The following RFPL1 variants were observed in gnomAD, a reference collection of about 807,000 sequenced individuals.
The protein encoded by RFPL1 is ret finger protein-like 1.
RFPL1 carries 6 observed loss-of-function variants against 9.6 expected under a neutral mutation model. The ratio of observed to expected loss-of-function variants is 0.62; its 90% CI spans 0.34 to 1.23. The LOEUF is 1.23. RFPL1 is among the 50% of genes most tolerant of loss of function. The probability of loss-of-function intolerance (pLI) is 0.03; values close to 1 mark genes in which losing one functional copy is unlikely to be tolerated. For synonymous variants in RFPL1, 145 were observed against 149.4 expected, an observed-to-expected ratio of 0.97 and a Z score of 0.22; for missense variants, 352 against 398.4, an observed-to-expected ratio of 0.88 and a Z score of 0.99.
At chr22:29,434,508 T>C (rs1356480259), upstream of RFPL1, 3 of 157,938 alleles carry the variant, frequency 1.9e-5, no homozygotes, top group South Asian at 2.0e-4. Context: ...GGAGTGTCCA[T>C]TGTGGATTTC....
At chr22:29,418,250 G>A in the RFPL1 span, among the ~76,000 whole-genome samples, 15 of 151,958 alleles carry the variant, frequency 9.9e-5, no homozygotes, top group Non-Finnish European at 1.8e-4. Context: ...TCAAAGATGG[G>A]AAGACAAGCT....
chr22:29,393,706 G>A, the RFPL1 span, among the ~76,000 whole-genome samples: 1 of 152,184 alleles, frequency 6.6e-6, no homozygotes, highest in African/African-American at 2.4e-5. Context: ...GAGAGAGAGG[G>A]CGCTGGCTTC....
chr22:29,393,943 C>T, the RFPL1 span, among the ~76,000 whole-genome samples: 1 of 152,258 alleles, frequency 6.6e-6, no homozygotes, highest in South Asian at 2.1e-4. Flanking sequence ...TCCCAAAGTG[C>T]TGGGATTACA....
the RFPL1 span, among the ~76,000 whole-genome samples, chr22:29,410,383 GAT>G: frequency 3.8e-3 from 271 of 72,112 alleles, 14 homozygotes; most frequent in African/African-American, 7.0e-3. Flanking sequence ...TATATATATA[GAT>G]ATATATATTG....
the RFPL1 span, among the ~76,000 whole-genome samples, chr22:29,426,343 A>G: frequency 6.6e-6 from 1 of 151,522 alleles, no homozygotes; most frequent in African/African-American, 2.4e-5. Context: ...ATTATTGATA[A>G]TCTTTATTTA....
chr22:29,388,006 C>T, the RFPL1 span, among the ~76,000 whole-genome samples: 2 of 152,154 alleles, frequency 1.3e-5, no homozygotes, highest in Non-Finnish European at 2.9e-5. Context: ...GGCACGGGAC[C>T]GTTTTCTAGT....
chr22:29,400,378 A>G, the RFPL1 span, among the ~76,000 whole-genome samples: 2 of 152,130 alleles, frequency 1.3e-5, no homozygotes, highest in South Asian at 4.2e-4. Flanking sequence ...CTATTCAGAG[A>G]GCTGGTCATG....
At chr22:29,442,218 A>T (rs1191191754) in exon 2 of RFPL1, 31 of 856,330 alleles carry the variant, frequency 3.6e-5, no homozygotes, top group Non-Finnish European at 5.4e-5. Flanking sequence ...ATACAAAGTC[A>T]TAGGAGAAAA....
chr22:29,410,730 G>T, the RFPL1 span, among the ~76,000 whole-genome samples: 1 of 148,682 alleles, frequency 6.7e-6, no homozygotes, highest in Non-Finnish European at 1.5e-5. Context: ...TCGGCTCAAT[G>T]AACCCATCAG....
chr22:29,390,672 T>C, the RFPL1 span, among the ~76,000 whole-genome samples: 1 of 151,738 alleles, frequency 6.6e-6, no homozygotes, highest in Non-Finnish European at 1.5e-5. Context: ...CTCGGCTCAC[T>C]GCAAGCTCCG....
the RFPL1 span, among the ~76,000 whole-genome samples, chr22:29,391,914 A>G: frequency 6.6e-6 from 1 of 152,134 alleles, no homozygotes; most frequent in South Asian, 2.1e-4. Flanking sequence ...TGCTCAGCCT[A>G]CAGTTTGCAG....
chr22:29,437,630 T>A, upstream of RFPL1: 1 of 1,590,800 alleles, frequency 6.3e-7, no homozygotes, highest in East Asian at 2.3e-5. Flanking sequence ...CAGTGGGAGG[T>A]GGGAATCTCA....
chr22:29,394,436 G>C, the RFPL1 span, among the ~76,000 whole-genome samples: 1 of 152,154 alleles, frequency 6.6e-6, no homozygotes, highest in Non-Finnish European at 1.5e-5. Flanking sequence ...TCCACCTCCT[G>C]GGGTCAAGCC....
At chr22:29,438,249 C>T (rs2062818644), upstream of RFPL1, 1 of 140,142 alleles carries the variant, frequency 7.1e-6, no homozygotes. Flanking sequence ...ATGGCTGGAT[C>T]TTGGCTCACT....
chr22:29,442,214 A>T (rs13053624), exon 2 of RFPL1: 149,894 of 892,150 alleles, frequency 0.17, 13,485 homozygotes, highest in African/African-American at 0.2. Flanking sequence ...CGTTATACAA[A>T]GTCATAGGAG....
the RFPL1 span, among the ~76,000 whole-genome samples, chr22:29,423,878 C>T: frequency 6.6e-6 from 1 of 152,190 alleles, no homozygotes; most frequent in South Asian, 2.1e-4. Context: ...AGGACATCTC[C>T]TAGAGCAAAG....
the RFPL1 span, among the ~76,000 whole-genome samples, chr22:29,429,998 C>T: frequency 2.0e-5 from 3 of 150,654 alleles, no homozygotes; most frequent in Non-Finnish European, 4.5e-5. Context: ...TTGGACATTC[C>T]TGAGGTTATC....
chr22:29,400,625 G>T, the RFPL1 span, among the ~76,000 whole-genome samples: 1 of 152,072 alleles, frequency 6.6e-6, no homozygotes, highest in Admixed American at 6.5e-5. Flanking sequence ...TATGGGGGGG[G>T]AATGAAAGCT....
At chr22:29,417,846 G>T in the RFPL1 span, among the ~76,000 whole-genome samples, 12 of 152,084 alleles carry the variant, frequency 7.9e-5, no homozygotes, top group Non-Finnish European at 8.8e-5. Flanking sequence ...TTAGTGCTGG[G>T]TGATGGGAAC....
Sources: gnomAD v4.1 joint callset for allele counts (sites outside exome capture counted in the v4.1 genomes callset) on GRCh38, gnomAD v4.1.1 for gene constraint, MANE v1.5 for transcripts, NCBI Gene and HGNC (gene_info 2026-07-23, HGNC 2026-07-21) for gene names.